XPNPEP3: variants seen among roughly 807,000 people sequenced by gnomAD.
XPNPEP3 encodes the protein xaa-Pro aminopeptidase 3.
A neutral mutation model predicts 60.0 loss-of-function variants in XPNPEP3; 41 were observed. The observed-to-expected ratio is 0.68, with a 90% CI of 0.53 to 0.89. The LOEUF (loss-of-function observed/expected upper bound fraction) is 0.89, where lower values mean the gene tolerates loss of function less well. XPNPEP3 is among the 40% of genes least tolerant of loss of function. The pLI is 0.00. For synonymous variants in XPNPEP3, 212 were observed against 223.2 expected (o/e 0.95, Z 0.45); for missense variants, 598 against 638.9 (o/e 0.94, Z 0.69).
Position 40,929,438 on chromosome 22 carries a change from G to T in XPNPEP3, c.*3003G>T, listed in dbSNP as rs8142521. On this transcript the variant is annotated 3_prime_UTR_variant, in exon 10 of 10. Coordinates refer to ENST00000357137, the MANE Select transcript of XPNPEP3 (RefSeq NM_022098.4). ...GAACTCCTGACCTCATGATCTGCCC[G>T]CCTCGGCCTCCCTAAGTGCTGCGAT... 6.6e-6 allele frequency: 1 copy of T among 151,910 alleles called. No individual in the cohort carries two copies. Among genetic ancestry groups the T allele is most frequent in the Non-Finnish European group, 1.5e-5 (1 of 68,010 alleles). 9.4% of individuals were successfully genotyped at this position (151,910 alleles called of 1,614,324 possible). A position where few individuals can be genotyped will look rare whatever the true frequency, so the allele number is the denominator to read the frequency against.
chr22:40,873,625 C>G (rs2058016510), intron 2 of XPNPEP3, among the ~76,000 whole-genome samples: 2 of 151,756 alleles, frequency 1.3e-5, no homozygotes, highest in African/African-American at 4.8e-5. Flanking sequence ...AAAAAGTAAG[C>G]AAAATTAGCT....
At chr22:40,887,938 C>A (rs1007460485) in intron 4 of XPNPEP3, among the ~76,000 whole-genome samples, 2 of 152,200 alleles carry the variant, frequency 1.3e-5, no homozygotes, top group Non-Finnish European at 2.9e-5. Context: ...AATCTTTTTA[C>A]TGTGGTGAAA....
At chr22:40,916,941 G>A (rs1333246445) in intron 7 of XPNPEP3, among the ~76,000 whole-genome samples, 1 of 152,010 alleles carries the variant, frequency 6.6e-6, no homozygotes, top group Non-Finnish European at 1.5e-5. Context: ...AGCCAGGCGT[G>A]GTGGCACATG....
intron 9 of XPNPEP3, 126 bp from the exon 10 acceptor site, chr22:40,926,143 T>G (rs1849298151): frequency 1.0e-6 from 1 of 968,232 alleles, no homozygotes; most frequent in African/African-American, 1.6e-5. Flanking sequence ...ACAGCTTTAC[T>G]AGGTAGGTAC....
intron 2 of XPNPEP3, 21 bp from the exon 3 acceptor site, chr22:40,881,749 C>A (rs1327413498): frequency 6.2e-7 from 1 of 1,613,492 alleles, no homozygotes; most frequent in Non-Finnish European, 8.5e-7. Flanking sequence ...GTAAAGCATC[C>A]CTTTTATTTG....
intron 7 of XPNPEP3, among the ~76,000 whole-genome samples, chr22:40,916,195 G>A (rs927985302): frequency 6.6e-6 from 1 of 152,012 alleles, no homozygotes; most frequent in Non-Finnish European, 1.5e-5. Context: ...GGGAGGCTGA[G>A]GCAGGAATAT....
rs9619916 is a variant in XPNPEP3, at chr22:40,907,382, C to T, written c.793-205C>T. On this transcript the variant is annotated intron_variant, in intron 4 of 9. Transcript: ENST00000357137. ...CTTGCAGTGAGCCGAGATCGCGCCA[C>T]TGCACTCCAGCCTGGGCAACAGAGC... 0.046 allele frequency among the ~76,000 whole-genome samples: 6,961 copies of T among 151,992 alleles called. 502 individuals carry two copies. Among genetic ancestry groups the T allele is most frequent in the African/African-American group, 0.16 (6,468 of 41,408 alleles).
At chr22:40,888,408 A>G (rs1351269986) in intron 4 of XPNPEP3, 1 of 440,240 alleles carries the variant, frequency 2.3e-6, no homozygotes, top group South Asian at 1.6e-5. Flanking sequence ...TATGCCTGCT[A>G]ATTTTTTAAA....
At position 40,932,197 on chromosome 22, in the gene XPNPEP3, A is replaced by G. The variant is rs1281015847; in HGVS notation, c.*5762A>G. ...CCAATAAAACAGAATTTGAGTTAGAACCTATCTGCTGTCCCTCAACTAGTG... is the reference window on the plus strand; with the variant it reads ...CCAATAAAACAGAATTTGAGTTAGAGCCTATCTGCTGTCCCTCAACTAGTG... On this transcript the variant is annotated 3_prime_UTR_variant, in exon 10 of 10. Coordinates refer to ENST00000357137, the MANE Select transcript of XPNPEP3 (RefSeq NM_022098.4). 3 of 152,152 alleles carry G rather than the reference A, an allele frequency of 2.0e-5. No individual in the cohort carries two copies. Among genetic ancestry groups the G allele is most frequent in the African/African-American group, 7.2e-5 (3 of 41,438 alleles). 9.4% of individuals were successfully genotyped at this position (152,152 alleles called of 1,614,324 possible). A position where few individuals can be genotyped will look rare whatever the true frequency, so the allele number is the denominator to read the frequency against.
chr22:40,866,949 A>G (rs1194011825), intron 1 of XPNPEP3, among the ~76,000 whole-genome samples: 1 of 152,182 alleles, frequency 6.6e-6, no homozygotes, highest in East Asian at 1.9e-4. Context: ...TTTACTGCCT[A>G]ATGAGATTAC....
chr22:40,875,486 T>G (rs1248529465), intron 2 of XPNPEP3, among the ~76,000 whole-genome samples: 1 of 152,198 alleles, frequency 6.6e-6, no homozygotes, highest in Admixed American at 6.5e-5. Context: ...TAATGTAGTC[T>G]CTATGTAAAT....
chr22:40,913,157 T>C (rs925325761), intron 6 of XPNPEP3, among the ~76,000 whole-genome samples: 2 of 151,964 alleles, frequency 1.3e-5, no homozygotes, highest in South Asian at 4.2e-4. Flanking sequence ...TTTCCCCACA[T>C]GTATTATGAT....
At chr22:40,911,996 G>C (rs1281016246) in intron 6 of XPNPEP3, among the ~76,000 whole-genome samples, 6 of 152,202 alleles carry the variant, frequency 3.9e-5, no homozygotes, top group Non-Finnish European at 2.9e-5. Context: ...GGCAGTGTGA[G>C]ATTCCAGCTG....
At chr22:40,857,392 G>A (rs1569009407) in intron 1 of XPNPEP3, 147 bp downstream of exon 1, 1 of 911,960 alleles carries the variant, frequency 1.1e-6, no homozygotes, top group Non-Finnish European at 1.7e-6. Flanking sequence ...CTTCTATACC[G>A]GCTGCTCCTG....
rs1402851026 is a variant in XPNPEP3, at chr22:40,928,757, C to G, written c.*2322C>G. 2 of 152,166 alleles carry G rather than the reference C, an allele frequency of 1.3e-5. No homozygotes were observed. The highest frequency in any genetic ancestry group is 2.9e-5 in the Non-Finnish European group (2 of 68,028). The allele number at this position is 152,166 out of a possible 1,614,324, so 9.4% of individuals were successfully genotyped here. A position where few individuals can be genotyped will look rare whatever the true frequency, so the allele number is the denominator to read the frequency against. On this transcript the variant is annotated 3_prime_UTR_variant, in exon 10 of 10. Transcript: ENST00000357137. The stretch of plus-strand genomic sequence containing the variant: ...ACAATTTGTATTAGGGAAGCACAAG[C>G]TAGGGGATTAACAATCTCTGTAATG...
Position 40,915,536 on chromosome 22 carries a change from A to C in XPNPEP3, c.1055+1212A>C, listed in dbSNP as rs575198970. Among the ~76,000 whole-genome samples, 102 of 151,090 alleles carry C rather than the reference A, an allele frequency of 6.8e-4. No individual in the cohort carries two copies. The Middle Eastern group carries it at 0.014, about 20-fold the overall frequency. On this transcript the variant is annotated intron_variant, in intron 7 of 9. Coordinates refer to ENST00000357137, the MANE Select transcript of XPNPEP3 (RefSeq NM_022098.4). Reference sequence around the variant, plus strand: ...CTCTGCACTCCAGCCTGGGTGACAGAGTGAGACTCTATCTGAAAAAAAAAA... The same window carrying C: ...CTCTGCACTCCAGCCTGGGTGACAGCGTGAGACTCTATCTGAAAAAAAAAA...
Position 40,928,776 on chromosome 22 carries a change from T to A in XPNPEP3, c.*2341T>A, listed in dbSNP as rs569939536. The A allele has an allele frequency of 6.6e-6, 1 of 152,344 alleles. No homozygotes were observed. The highest frequency in any genetic ancestry group is 2.1e-4 in the South Asian group (1 of 4,828). The allele number at this position is 152,344 out of a possible 1,614,324, so 9.4% of individuals were successfully genotyped here. A position where few individuals can be genotyped will look rare whatever the true frequency, so the allele number is the denominator to read the frequency against. The stretch of plus-strand genomic sequence containing the variant: ...CACAAGCTAGGGGATTAACAATCTC[T>A]GTAATGCTGGAAGTTTGCCTATCTT... On this transcript the variant is annotated 3_prime_UTR_variant, in exon 10 of 10. Transcript: ENST00000357137.
chr22:40,925,076 G>A (rs1412417037), intron 9 of XPNPEP3, among the ~76,000 whole-genome samples: 6 of 152,124 alleles, frequency 3.9e-5, no homozygotes, highest in Non-Finnish European at 7.3e-5. Context: ...GTAGTGGGGG[G>A]CTGCTCAAGC....
At chr22:40,912,403 A>G (rs188735113) in intron 6 of XPNPEP3, among the ~76,000 whole-genome samples, 13 of 152,342 alleles carry the variant, frequency 8.5e-5, no homozygotes, top group East Asian at 3.9e-4. Context: ...AGACAGTTTC[A>G]TAAGTTATAT....
Sources: gnomAD v4.1 joint callset for allele counts (sites outside exome capture counted in the v4.1 genomes callset) on GRCh38, gnomAD v4.1.1 for gene constraint, MANE v1.5 for transcripts, NCBI Gene and HGNC (gene_info 2026-07-23, HGNC 2026-07-21) for gene names.